Variants in MPC2 observed in about 807,000 individuals in gnomAD.
MPC2 encodes mitochondrial pyruvate carrier 2, also known as brain protein 44.
MPC2 carries 19 observed loss-of-function variants against 19.2 expected under a neutral mutation model. The observed-to-expected ratio is 0.99, with a 90% CI of 0.69 to 1.45. The LOEUF (loss-of-function observed/expected upper bound fraction) is 1.45. Ranked by LOEUF, MPC2 falls within the 40% of genes most tolerant of loss-of-function variation. The pLI, the probability that MPC2 is intolerant of heterozygous loss-of-function variation, is 0.00. For synonymous variants in MPC2, 61 were observed against 54.3 expected (o/e 1.12, Z -0.54); for missense variants, 122 against 153.0 (o/e 0.80, Z 1.07).
rs1670576142 is a variant in MPC2, at chr1:167,920,617, A to C, written c.165T>G (p.Ala55=). ...CAGGTCTGGCCATATCAGCCAATCC[A>C]GCACACACCAACCCCTACACATTAA... ...APIMKWGLVC[A]GLADMARPAE... The change falls in exon 4 of 6, where the codon GCT becomes GCG. Residue 55 remains alanine, a synonymous_variant. Transcript: ENST00000271373. 1 of 1,613,706 alleles carries C rather than the reference A, an allele frequency of 6.2e-7. No individual in the cohort carries two copies. Among genetic ancestry groups the C allele is most frequent in the Non-Finnish European group, 8.5e-7 (1 of 1,179,856 alleles).
intron 5 of MPC2, 59 bp from the exon 6 acceptor site, chr1:167,918,418 GGA>G (rs1670521042): frequency 9.2e-7 from 1 of 1,085,854 alleles, no homozygotes; most frequent in East Asian, 2.5e-5. Flanking sequence ...TTTATGGTAA[GGA>G]GAGAATGGGA....
At chr1:167,926,082 G>C (rs73024125) in intron 2 of MPC2, among the ~76,000 whole-genome samples, 19,679 of 152,116 alleles carry the variant, frequency 0.13, 1,628 homozygotes, top group African/African-American at 0.23. Context: ...CAAACCCTGT[G>C]GTTCCTTGTG....
rs557353243 is a variant in MPC2, at chr1:167,925,522, T to G, written c.110-985A>C. Among the ~76,000 whole-genome samples the G allele has an allele frequency of 3.6e-3, 512 of 142,300 alleles. 1 individual carries two copies. Among genetic ancestry groups the G allele is most frequent in the Non-Finnish European group, 6.5e-3 (427 of 65,268 alleles). 93.4% of individuals were successfully genotyped at this position (142,300 alleles called of 152,430 possible). A position where few individuals can be genotyped will look rare whatever the true frequency, so the allele number is the denominator to read the frequency against. On this transcript the variant is annotated intron_variant, in intron 2 of 5. Coordinates refer to ENST00000271373, the MANE Select transcript of MPC2 (RefSeq NM_001143674.4). ...ATATATATACACATACAAACAACGT[T>G]TTTTTTTTTTGGTTTTTTTTTTGGT...
At chr1:167,924,349 G>A (rs1670677737) in intron 3 of MPC2, 148 bp downstream of exon 3, 1 of 567,154 alleles carries the variant, frequency 1.8e-6, no homozygotes, top group East Asian at 3.3e-5. Flanking sequence ...TGTAGAAAAC[G>A]ATATGTCTGA....
intron 2 of MPC2, among the ~76,000 whole-genome samples, chr1:167,926,508 AATAT>A (rs1276049512): frequency 6.6e-6 from 1 of 152,266 alleles, no homozygotes; most frequent in Non-Finnish European, 1.5e-5. Context: ...TGAGTTTCAG[AATAT>A]ATAATCCTAA....
At chr1:167,930,755 C>G (rs2102554548) in intron 2 of MPC2, among the ~76,000 whole-genome samples, 1 of 152,312 alleles carries the variant, frequency 6.6e-6, no homozygotes, top group African/African-American at 2.4e-5. Flanking sequence ...CCATACAGCA[C>G]TTTAAACATA....
chr1:167,923,648 G>C (rs1265206793), intron 3 of MPC2, among the ~76,000 whole-genome samples: 1 of 151,518 alleles, frequency 6.6e-6, no homozygotes, highest in Non-Finnish European at 1.5e-5. Flanking sequence ...CTACTGAACT[G>C]TACACTTTGA....
intron 4 of MPC2, 30 bp from the exon 5 acceptor site, chr1:167,920,120 A>T: frequency 7.3e-7 from 1 of 1,369,564 alleles, no homozygotes. Context: ...CTTTAAAAAG[A>T]ATACATACTG....
At chr1:167,920,115 A>C (rs1422564525) in intron 4 of MPC2, 25 bp from the exon 5 acceptor site, 1 of 1,418,122 alleles carries the variant, frequency 7.1e-7, no homozygotes, top group Non-Finnish European at 9.9e-7. Context: ...TGTTACTTTA[A>C]AAAGAATACA....
chr1:167,922,614 C>T (rs1269184310), intron 3 of MPC2, among the ~76,000 whole-genome samples: 2 of 151,772 alleles, frequency 1.3e-5, no homozygotes, highest in South Asian at 2.1e-4. Flanking sequence ...AAAACCTGCT[C>T]CCTAGATCTC....
chr1:167,931,409 C>T (rs150772681), intron 2 of MPC2, among the ~76,000 whole-genome samples: 254 of 152,210 alleles, frequency 1.7e-3, no homozygotes, highest in Admixed American at 4.3e-3. Context: ...TTCTATTTTT[C>T]ACCAATATTT....
rs954049373 is a variant in MPC2, at chr1:167,917,124, CTT to C, written c.*1197_*1198del. 1 of 152,152 alleles carries C rather than the reference CTT, an allele frequency of 6.6e-6. No individual in the cohort carries two copies. The highest frequency in any genetic ancestry group is 2.4e-5 in the African/African-American group (1 of 41,428). The allele number at this position is 152,152 out of a possible 1,614,324, so 9.4% of individuals were successfully genotyped here. On this transcript the variant is annotated 3_prime_UTR_variant, in exon 6 of 6. Coordinates refer to ENST00000271373, the MANE Select transcript of MPC2 (RefSeq NM_001143674.4). ...TTAATGAGGACTGGCTTTATTAGCA[CTT>C]TTAGAAAAAAAGCTCTGCACTCCAC...
Position 167,918,302 on chromosome 1 carries a change from T to C in MPC2, c.*21A>G, listed in dbSNP as rs1483053530. Reference sequence around the variant, plus strand: ...AATGGTTTTGTCCACATCTAGATTGTTCAGGTGATCAGGAACTCTTTTATT... The same window carrying C: ...AATGGTTTTGTCCACATCTAGATTGCTCAGGTGATCAGGAACTCTTTTATT... On this transcript the variant is annotated 3_prime_UTR_variant, in exon 6 of 6. Transcript: ENST00000271373. The C allele has an allele frequency of 1.3e-6, 2 of 1,560,154 alleles. No individual in the cohort carries two copies. The highest frequency in any genetic ancestry group is 8.8e-7 in the Non-Finnish European group (1 of 1,136,056).
chr1:167,936,135 A>G, intron 1 of MPC2: 2 of 412,182 alleles, frequency 4.9e-6, no homozygotes, highest in Non-Finnish European at 9.1e-6. Context: ...TCACCTCACC[A>G]AGTCTGCGCT....
At chr1:167,932,734 A>T (rs1453141677) in intron 2 of MPC2, among the ~76,000 whole-genome samples, 2 of 150,390 alleles carry the variant, frequency 1.3e-5, no homozygotes, top group Non-Finnish European at 3.0e-5. Context: ...GCTTGAACCC[A>T]GGAGGCCAAG....
At chr1:167,936,806 C>T in intron 1 of MPC2, 133 bp downstream of exon 1, 3 of 1,034,058 alleles carry the variant, frequency 2.9e-6, no homozygotes, top group Non-Finnish European at 4.3e-6. Flanking sequence ...GGAGGCCCGG[C>T]GCGCGGATGG....
At chr1:167,932,427 G>A (rs947214086) in intron 2 of MPC2, among the ~76,000 whole-genome samples, 2 of 152,072 alleles carry the variant, frequency 1.3e-5, no homozygotes, top group African/African-American at 4.8e-5. Flanking sequence ...CACCCCTTGG[G>A]ATGACTTACC....
intron 3 of MPC2, among the ~76,000 whole-genome samples, chr1:167,923,152 A>G (rs552882472): frequency 5.9e-5 from 9 of 152,314 alleles, no homozygotes; most frequent in African/African-American, 1.9e-4. Flanking sequence ...AACAAAAAAT[A>G]TTAAGCAGAA....
At chr1:167,924,662 T>C (rs986764290) in intron 2 of MPC2, 125 bp from the exon 3 acceptor site, 3 of 635,918 alleles carry the variant, frequency 4.7e-6, no homozygotes, top group African/African-American at 3.8e-5. Flanking sequence ...ACTTTTACTA[T>C]GCTTTTTGCA....
Sources: gnomAD v4.1 joint callset for allele counts (sites outside exome capture counted in the v4.1 genomes callset) on GRCh38, gnomAD v4.1.1 for gene constraint, MANE v1.5 for transcripts, NCBI Gene and HGNC (gene_info 2026-07-23, HGNC 2026-07-21) for gene names.